FAM91A1: variants seen among roughly 807,000 people sequenced by gnomAD.
The protein encoded by FAM91A1 is protein FAM91A1.
Under a neutral mutation model 113.5 loss-of-function variants are expected in FAM91A1, and 41 were observed. That is an observed-to-expected ratio of 0.36 (90% CI 0.28 to 0.47). The LOEUF is 0.47. Among genes scored for constraint, FAM91A1 ranks in the 20% least tolerant of loss-of-function variants. The pLI is 1.00. For missense variants in FAM91A1, 696 were observed against 1,001.2 expected, an observed-to-expected ratio of 0.70 and a Z score of 4.11; for synonymous variants, 307 against 347.9, an observed-to-expected ratio of 0.88 and a Z score of 1.31.
rs1814953278 is a variant in FAM91A1, at chr8:123,775,229, C to T, written c.240C>T (p.Tyr80=). Residue 80 remains tyrosine, a synonymous_variant, in exon 3 of 24, where the codon TAC becomes TAT. Coordinates refer to ENST00000334705, the MANE Select transcript of FAM91A1 (RefSeq NM_144963.4). ...YSRDHLMLYP[Y]HLSDIMVKGL... is the part of the protein sequence containing the mutation. ...GAGATCATCTCATGCTGTACCCTTA[C>T]CATCTATCGGATATTATGGTGAAAG... The T allele has an allele frequency of 6.2e-7, 1 of 1,613,866 alleles. No homozygotes were observed. Among genetic ancestry groups the T allele is most frequent in the Admixed American group, 1.7e-5 (1 of 59,980 alleles).
intron 23 of FAM91A1, 80 bp downstream of exon 23, chr8:123,810,431 C>A: frequency 8.4e-7 from 1 of 1,192,252 alleles, no homozygotes. Context: ...GTTTTTGAGT[C>A]ACCACAGCAG....
chr8:123,777,354 G>A, intron 4 of FAM91A1, 32 bp downstream of exon 4: 1 of 1,585,294 alleles, frequency 6.3e-7, no homozygotes, highest in Non-Finnish European at 8.6e-7. Flanking sequence ...AGAAGGTAAT[G>A]TTTAGGTTGT....
chr8:123,791,401 A>G (rs901111970), intron 15 of FAM91A1, among the ~76,000 whole-genome samples: 21 of 151,950 alleles, frequency 1.4e-4, no homozygotes, highest in Admixed American at 1.1e-3. Context: ...GCTGGGCTAA[A>G]TTTTTTCCCC....
intron 23 of FAM91A1, 113 bp from the exon 24 acceptor site, chr8:123,812,401 ACTGCT>A: frequency 1.3e-6 from 1 of 779,194 alleles, no homozygotes; most frequent in Non-Finnish European, 2.0e-6. Flanking sequence ...CATCTCCTGT[ACTGCT>A]TTGCAATCCA....
rs576876267 is a variant in FAM91A1, at chr8:123,796,779, C to G, written c.1412-1311C>G. Among the ~76,000 whole-genome samples, 466 of 148,398 alleles carry G rather than the reference C, an allele frequency of 3.1e-3. 7 individuals are homozygous for G. Among genetic ancestry groups the G allele is most frequent in the African/African-American group, 0.011 (454 of 40,602 alleles). On this transcript the variant is annotated intron_variant, in intron 15 of 23. Transcript: ENST00000334705. ...GCCTGAAGTGTTTTAAGATACGGGT[C>G]TTGGCTGGGCGCGATGACTCATGCC...
At chr8:123,785,817 A>T (rs1411131027) in intron 11 of FAM91A1, 76 bp downstream of exon 11, 2 of 745,882 alleles carry the variant, frequency 2.7e-6, no homozygotes, top group East Asian at 3.2e-5. Context: ...ACATAAATTT[A>T]TTTATTTATT....
intron 15 of FAM91A1, 89 bp downstream of exon 15, chr8:123,789,834 T>C (rs1815342517): frequency 7.0e-7 from 1 of 1,437,554 alleles, no homozygotes; most frequent in Non-Finnish European, 9.4e-7. Context: ...TATATAATCA[T>C]CACTTACGTA....
chr8:123,804,490 T>TAAAAAAAAAAAAAAAAAAAAAAAAAAA lies in FAM91A1; in HGVS notation c.1810-772_1810-746dup, dbSNP rs57808944. 2.7e-5 allele frequency among the ~76,000 whole-genome samples: 2 copies of TAAAAAAAAAAAAAAAAAAAAAAAAAAA among 73,834 alleles called. 1 individual carries two copies. 48.4% of individuals were successfully genotyped at this position (73,834 alleles called of 152,430 possible). On this transcript the variant is annotated intron_variant, in intron 18 of 23. Transcript: ENST00000334705. The stretch of plus-strand genomic sequence containing the variant: ...TGAGTAACAGAGCAAGACTCTGTTT[T>TAAAAAAAAAAAAAAAAAAAAAAAAAAA]AAAAAAAAAAAAAAAAAAAAAAAAA...
At chr8:123,808,763 C>A in intron 21 of FAM91A1, 130 bp from the exon 22 acceptor site, 1 of 883,368 alleles carries the variant, frequency 1.1e-6, no homozygotes, top group Non-Finnish European at 1.6e-6. Flanking sequence ...CCTGCCAAGC[C>A]CACTGGTGGA....
At chr8:123,776,166 G>A (rs774048313) in intron 3 of FAM91A1, among the ~76,000 whole-genome samples, 1 of 152,162 alleles carries the variant, frequency 6.6e-6, no homozygotes, top group Non-Finnish European at 1.5e-5. Flanking sequence ...TTTTAGGCTT[G>A]TATTGGATAA....
At chr8:123,776,443 G>A (rs1814985169) in intron 3 of FAM91A1, among the ~76,000 whole-genome samples, 1 of 152,226 alleles carries the variant, frequency 6.6e-6, no homozygotes, top group Non-Finnish European at 1.5e-5. Context: ...GCAGTCCCAT[G>A]CATCCCGTGT....
rs1488109766 is a variant in FAM91A1, at chr8:123,768,818, G to A, written c.72+44G>A. The A allele has an allele frequency of 1.9e-6, 3 of 1,587,220 alleles. No individual in the cohort carries two copies. The Admixed American group carries it at 5.2e-5, about 27-fold the overall frequency. On this transcript the variant is annotated intron_variant, in intron 1 of 23. Transcript: ENST00000334705. ...ACCGGGCCCCTGACGGATTCGGCCCGCCCAGCGGTCACCTGCTTGCCTCGC... is the reference window on the plus strand; with the variant it reads ...ACCGGGCCCCTGACGGATTCGGCCCACCCAGCGGTCACCTGCTTGCCTCGC...
rs1321327756 is a variant in FAM91A1, at chr8:123,789,723, AC to A, written c.1390del (p.Gln464SerfsTer31). 7 of 1,613,294 alleles carry A rather than the reference AC, an allele frequency of 4.3e-6. No homozygotes were observed. The Admixed American group carries it at 1.2e-4, about 27-fold the overall frequency. ...HNKDLVAQTA[Q>X]PDQPNYGFPL... ...ACAAAGATCTAGTTGCGCAAACTGC[AC>A]AGCCAGACCAACCCAATTATGGTAT... is the stretch of plus-strand genomic sequence containing the variant. On this transcript the variant is annotated frameshift_variant, in exon 15 of 24. Transcript: ENST00000334705. LOFTEE classifies it high-confidence loss of function.
chr8:123,805,694 G>A (rs1300038711), intron 19 of FAM91A1, among the ~76,000 whole-genome samples: 1 of 152,144 alleles, frequency 6.6e-6, no homozygotes, highest in African/African-American at 2.4e-5. Flanking sequence ...TTGTTTACCT[G>A]GAGATGCAGA....
At chr8:123,782,293 CTT>C (rs1358808316) in intron 8 of FAM91A1, among the ~76,000 whole-genome samples, 2 of 152,186 alleles carry the variant, frequency 1.3e-5, no homozygotes, top group African/African-American at 2.4e-5. Flanking sequence ...CATGTTACCT[CTT>C]TGGCTGTTCC....
intron 18 of FAM91A1, among the ~76,000 whole-genome samples, chr8:123,803,929 G>A (rs975237733): frequency 2.0e-5 from 3 of 152,116 alleles, no homozygotes; most frequent in Admixed American, 6.5e-5. Context: ...AATTTCTATT[G>A]TAACAGTTCT....
chr8:123,778,592 T>C, intron 5 of FAM91A1, 67 bp from the exon 6 acceptor site: 1 of 1,060,544 alleles, frequency 9.4e-7, no homozygotes. Context: ...AATCTTATGA[T>C]ATGATTGATG....
intron 16 of FAM91A1, among the ~76,000 whole-genome samples, chr8:123,798,994 T>G (rs1815611856): frequency 6.6e-6 from 1 of 152,236 alleles, no homozygotes; most frequent in South Asian, 2.1e-4. Context: ...CTCCTATTCT[T>G]TAACACAACC....
intron 15 of FAM91A1, among the ~76,000 whole-genome samples, chr8:123,792,088 T>C (rs766548186): frequency 1.3e-5 from 2 of 152,080 alleles, no homozygotes; most frequent in Non-Finnish European, 2.9e-5. Context: ...GGCAGGAGAA[T>C]TGCTTGAACC....
Sources: gnomAD v4.1 joint callset for allele counts (sites outside exome capture counted in the v4.1 genomes callset) on GRCh38, gnomAD v4.1.1 for gene constraint, MANE v1.5 for transcripts, NCBI Gene and HGNC (gene_info 2026-07-23, HGNC 2026-07-21) for gene names.